MTUS1: variants seen among roughly 807,000 people sequenced by gnomAD.
MTUS1 encodes microtubule associated scaffold protein 1.
Under a neutral mutation model 120.8 loss-of-function variants are expected in MTUS1, and 109 were observed. The observed-to-expected ratio is 0.90, with a 90% confidence interval of 0.77 to 1.06. The LOEUF is 1.06. MTUS1 is among the 50% of genes least tolerant of loss of function. The pLI, the probability that MTUS1 is intolerant of heterozygous loss-of-function variation, is 0.00. For missense variants in MTUS1, 2,210 were observed against 1,486.3 expected (o/e 1.49, Z -8.01); for synonymous variants, 737 against 550.5 (o/e 1.34, Z -4.74).
At chr8:17,656,117 T>G (rs767763417) in intron 8 of MTUS1, 52 bp from the exon 9 acceptor site, 2 of 1,521,950 alleles carry the variant, frequency 1.3e-6, no homozygotes, top group Admixed American at 3.4e-5. Flanking sequence ...TTGTGAAATG[T>G]CCTATATTCA....
chr8:17,781,087 C>T (rs1466840247), intron 1 of MTUS1: 7 of 152,160 alleles, frequency 4.6e-5, no homozygotes, highest in Admixed American at 2.0e-4. Context: ...ACCCTGAAGG[C>T]TTCAAGGAAT....
intron 6 of MTUS1, chr8:17,697,518 CAG>C: frequency 7.1e-7 from 1 of 1,402,014 alleles, no homozygotes; most frequent in Non-Finnish European, 9.3e-7. Context: ...GTCATTCCAC[CAG>C]AGAGGCATAG....
chr8:17,697,157 T>G (rs1818130863), intron 6 of MTUS1: 1 of 1,427,800 alleles, frequency 7.0e-7, no homozygotes, highest in African/African-American at 1.4e-5. Flanking sequence ...GCTTTTTTCC[T>G]CCAATTATCT....
intron 8 of MTUS1, among the ~76,000 whole-genome samples, chr8:17,667,964 G>T (rs1046462628): frequency 6.6e-6 from 1 of 152,126 alleles, no homozygotes; most frequent in African/African-American, 2.4e-5. Flanking sequence ...CACTATTATA[G>T]GAAGGGCAAG....
chr8:17,653,607 GTTACT>G, intron 10 of MTUS1, 109 bp from the exon 11 acceptor site: 2 of 757,732 alleles, frequency 2.6e-6, no homozygotes, highest in Admixed American at 6.0e-5. Context: ...GCCGTATGAC[GTTACT>G]TTACATCTAT....
intron 12 of MTUS1, among the ~76,000 whole-genome samples, chr8:17,652,748 C>A (rs975790015): frequency 2.6e-5 from 4 of 151,426 alleles, no homozygotes; most frequent in Non-Finnish European, 5.9e-5. Context: ...AGGCAGGAGA[C>A]TCGCTTGAAC....
At chr8:17,787,987 G>C (rs897590928) in intron 1 of MTUS1, among the ~76,000 whole-genome samples, 8 of 152,318 alleles carry the variant, frequency 5.3e-5, no homozygotes, top group East Asian at 1.9e-4. Flanking sequence ...TGGGCGTGGT[G>C]GTGGGTGCCT....
chr8:17,703,628 CAAAAAAAA>C (rs140018758), intron 6 of MTUS1, among the ~76,000 whole-genome samples: 1 of 115,142 alleles, frequency 8.7e-6, no homozygotes, highest in Admixed American at 9.1e-5. Flanking sequence ...GACTCTGTCT[CAAAAAAAA>C]AAAAAAAAGG....
intron 6 of MTUS1, among the ~76,000 whole-genome samples, chr8:17,693,721 G>A (rs985621630): frequency 3.3e-5 from 5 of 152,204 alleles, no homozygotes; most frequent in Non-Finnish European, 5.9e-5. Flanking sequence ...CCTGCTGAGA[G>A]CTGCTTGGGC....
chr8:17,653,566 A>G, intron 10 of MTUS1, 68 bp from the exon 11 acceptor site: 1 of 1,136,464 alleles, frequency 8.8e-7, no homozygotes, highest in Non-Finnish European at 1.3e-6. Context: ...TAAAACAGTT[A>G]AAGCATATAG....
chr8:17,746,988 T>C (rs1586131265), intron 2 of MTUS1, among the ~76,000 whole-genome samples: 1 of 152,336 alleles, frequency 6.6e-6, no homozygotes, highest in African/African-American at 2.4e-5. Flanking sequence ...CTGTCATTTC[T>C]CAGCAAGATT....
At chr8:17,760,491 C>G (rs1298882259) in intron 1 of MTUS1, among the ~76,000 whole-genome samples, 1 of 152,170 alleles carries the variant, frequency 6.6e-6, no homozygotes, top group Non-Finnish European at 1.5e-5. Flanking sequence ...ACCACCACCA[C>G]CACCATGAAG....
chr8:17,726,644 T>C (rs1236088805), intron 3 of MTUS1, among the ~76,000 whole-genome samples: 1 of 152,236 alleles, frequency 6.6e-6, no homozygotes, highest in Non-Finnish European at 1.5e-5. Context: ...GAGACTTTTT[T>C]CTTTACATCC....
intron 4 of MTUS1, chr8:17,722,434 G>C: frequency 1.0e-6 from 1 of 985,374 alleles, no homozygotes; most frequent in South Asian, 4.7e-5. Flanking sequence ...TTCAAATTCA[G>C]AGTTCCCTCT....
chr8:17,675,224 G>A lies in MTUS1; in HGVS notation c.2867C>T (p.Thr956Ile), dbSNP rs760758399. The change falls in exon 8 of 15, where the codon ACC becomes ATC. Residue 956 changes from threonine to isoleucine, a missense_variant. Physicochemically the swap from Thr to Ile is moderately conservative, Grantham distance 89 (BLOSUM62 -1). Coordinates refer to ENST00000693296, the MANE Select transcript of MTUS1 (RefSeq NM_001363059.2). ...EREEALKQHK[T>I]LSQELVNLRG... ...GAGGTTAACAAGTTCTTGAGATAGGGTTTTGTGTTGTTTCAGTGCTTCCTC... is the reference window on the plus strand; with the variant it reads ...GAGGTTAACAAGTTCTTGAGATAGGATTTTGTGTTGTTTCAGTGCTTCCTC... 1.2e-6 allele frequency: 2 copies of A among 1,614,128 alleles called. No individual in the cohort carries two copies. The highest frequency in any genetic ancestry group is 1.7e-6 in the Non-Finnish European group (2 of 1,180,010).
intron 1 of MTUS1, among the ~76,000 whole-genome samples, chr8:17,793,852 G>A (rs1470202524): frequency 1.3e-5 from 2 of 152,132 alleles, no homozygotes; most frequent in Non-Finnish European, 2.9e-5. Flanking sequence ...AAAGCCCAAC[G>A]TTAACAACCT....
At chr8:17,649,019 A>G (rs748307752) in intron 13 of MTUS1, among the ~76,000 whole-genome samples, 23 of 152,228 alleles carry the variant, frequency 1.5e-4, no homozygotes, top group Non-Finnish European at 3.2e-4. Context: ...TGTTCTAGAC[A>G]CTGCAAAGTG....
At chr8:17,689,016 T>G (rs1394758776) in intron 6 of MTUS1, among the ~76,000 whole-genome samples, 1 of 152,018 alleles carries the variant, frequency 6.6e-6, no homozygotes, top group Non-Finnish European at 1.5e-5. Flanking sequence ...TTGAGACCAT[T>G]CTGGCTAACA....
chr8:17,703,571 G>C (rs557024017), intron 6 of MTUS1, among the ~76,000 whole-genome samples: 25 of 150,966 alleles, frequency 1.7e-4, no homozygotes, highest in Non-Finnish European at 2.8e-4. Flanking sequence ...AGAGCTTGCA[G>C]TGAGCCGAGA....
Sources: gnomAD v4.1 joint callset for allele counts (sites outside exome capture counted in the v4.1 genomes callset) on GRCh38, gnomAD v4.1.1 for gene constraint, MANE v1.5 for transcripts, NCBI Gene and HGNC (gene_info 2026-07-23, HGNC 2026-07-21) for gene names.